TRAPPC9: variants seen among roughly 807,000 people sequenced by gnomAD.
TRAPPC9 encodes trafficking protein particle complex subunit 9.
TRAPPC9 carries 83 observed loss-of-function variants against 124.0 expected under a neutral mutation model. That is an observed-to-expected ratio of 0.67 (90% CI 0.56 to 0.80). TRAPPC9 has a LOEUF of 0.80. Among genes scored for constraint, TRAPPC9 ranks in the 30% least tolerant of loss-of-function variants. The pLI is 0.00. For synonymous variants in TRAPPC9, 638 were observed against 617.5 expected, an observed-to-expected ratio of 1.03 and a Z score of -0.49; for missense variants, 1,302 against 1,508.3, an observed-to-expected ratio of 0.86 and a Z score of 2.27.
At chr8:140,120,065 T>C (rs1244361271) in intron 17 of TRAPPC9, among the ~76,000 whole-genome samples, 3 of 152,164 alleles carry the variant, frequency 2.0e-5, no homozygotes, top group Non-Finnish European at 4.4e-5. Context: ...AGCACATCCT[T>C]TAGGATTTAT....
chr8:139,894,370 G>C (rs957341275), intron 20 of TRAPPC9, among the ~76,000 whole-genome samples: 40 of 152,164 alleles, frequency 2.6e-4, no homozygotes, highest in African/African-American at 9.4e-4. Context: ...GTGATCCTGG[G>C]GGGGTGCTGT....
chr8:139,874,469 C>T (rs1021245426), intron 21 of TRAPPC9, among the ~76,000 whole-genome samples: 4 of 152,210 alleles, frequency 2.6e-5, no homozygotes, highest in African/African-American at 4.8e-5. Flanking sequence ...GGTGGGGAAA[C>T]GCGCAGGCGG....
At chr8:140,109,310 C>T (rs540393554) in intron 17 of TRAPPC9, among the ~76,000 whole-genome samples, 33 of 152,192 alleles carry the variant, frequency 2.2e-4, no homozygotes, top group African/African-American at 7.7e-4. Flanking sequence ...ATGAACAGGG[C>T]CTGTCTCAGA....
chr8:140,246,342 T>C (rs993752553), intron 16 of TRAPPC9, among the ~76,000 whole-genome samples: 4 of 152,196 alleles, frequency 2.6e-5, no homozygotes, highest in Admixed American at 2.0e-4. Flanking sequence ...AGAAAGTGTG[T>C]TTCAAGACCA....
chr8:140,120,836 C>T (rs529390485), intron 17 of TRAPPC9, among the ~76,000 whole-genome samples: 1 of 149,780 alleles, frequency 6.7e-6, no homozygotes, highest in Non-Finnish European at 1.5e-5. Flanking sequence ...TCCATCCATC[C>T]ATCATCCATC....
At chr8:139,807,680 G>A (rs559579900) in intron 21 of TRAPPC9, among the ~76,000 whole-genome samples, 1 of 152,310 alleles carries the variant, frequency 6.6e-6, no homozygotes, top group Non-Finnish European at 1.5e-5. Flanking sequence ...CAGGGGTTCT[G>A]TGTTACAGCT....
chr8:139,833,792 C>T (rs1826146560), intron 21 of TRAPPC9, among the ~76,000 whole-genome samples: 1 of 152,202 alleles, frequency 6.6e-6, no homozygotes, highest in Non-Finnish European at 1.5e-5. Flanking sequence ...TGACTGATTT[C>T]AGCTTCCTTC....
At chr8:140,304,083 G>C (rs1358583150) in intron 10 of TRAPPC9, among the ~76,000 whole-genome samples, 1 of 151,676 alleles carries the variant, frequency 6.6e-6, no homozygotes, top group African/African-American at 2.4e-5. Flanking sequence ...GACCTGCAAT[G>C]CCTGACTTAA....
rs1384023398 is a variant in TRAPPC9 at position 140,241,228 on chromosome 8, G to A, written c.2431+11549C>T. On this transcript the variant is annotated intron_variant, in intron 16 of 22. Transcript: ENST00000438773. This position sits in a 1 kb window ranked among gnomAD's most constrained non-coding sequence, Gnocchi z 5.0. ...AGCCTGTCCAACATGATGAAACCCT[G>A]TCTCTACTAAAAATACAAAAATTAG... 6.6e-6 allele frequency among the ~76,000 whole-genome samples: 1 copy of A among 152,164 alleles called. No individual in the cohort carries two copies. Among genetic ancestry groups the A allele is most frequent in the Non-Finnish European group, 1.5e-5 (1 of 68,030 alleles).
In TRAPPC9 at chr8:140,151,099, T is replaced by C. The variant is rs575006878; in HGVS notation, c.2556+70360A>G. ...CGGAACAGAAATGGGGAAGTGGAGA[T>C]TGACAGCAGGGGAGGGGATAAAGAA... On this transcript the variant is annotated intron_variant, in intron 17 of 22. Coordinates refer to ENST00000438773, the MANE Select transcript of TRAPPC9 (RefSeq NM_001160372.4). Among the ~76,000 whole-genome samples the C allele has an allele frequency of 1.9e-3, 295 of 152,144 alleles. 1 individual carries two copies. The highest frequency in any genetic ancestry group is 6.6e-3 in the African/African-American group (272 of 41,496).
chr8:140,175,732 C>A (rs911940739), intron 17 of TRAPPC9, among the ~76,000 whole-genome samples: 2 of 152,212 alleles, frequency 1.3e-5, no homozygotes, highest in Non-Finnish European at 1.5e-5. Context: ...GTGCTGTGCT[C>A]CAATGCTATA....
intron 5 of TRAPPC9, 102 bp downstream of exon 5, chr8:140,426,513 T>C: frequency 8.5e-7 from 1 of 1,181,948 alleles, no homozygotes; most frequent in Non-Finnish European, 1.3e-6. Flanking sequence ...ATCAGAATGT[T>C]CCAAAGATCA....
intron 8 of TRAPPC9, among the ~76,000 whole-genome samples, chr8:140,362,081 C>T (rs2067971661): frequency 1.3e-5 from 2 of 152,144 alleles, no homozygotes; most frequent in African/African-American, 4.8e-5. Flanking sequence ...AATTTCAGCC[C>T]ACAGGAGTTA....
intron 21 of TRAPPC9, among the ~76,000 whole-genome samples, chr8:139,775,349 C>G (rs199705377): frequency 1.3e-5 from 2 of 152,208 alleles, no homozygotes; most frequent in East Asian, 3.8e-4. Context: ...GAGCCGAGCC[C>G]TGATTATTCA....
chr8:139,853,307 A>C lies in TRAPPC9; in HGVS notation c.3055+32572T>G, dbSNP rs1827608468. Among the ~76,000 whole-genome samples, 5 of 152,162 alleles carry C rather than the reference A, an allele frequency of 3.3e-5. No homozygotes were observed. The South Asian group carries it at 1.0e-3, about 31-fold the overall frequency. Reference sequence around the variant, plus strand: ...CAGTGTGGGTCCTCATGAGAAAAGGAGGAGGGGAGGCCAAGCGATCAGAGG... The same window carrying C: ...CAGTGTGGGTCCTCATGAGAAAAGGCGGAGGGGAGGCCAAGCGATCAGAGG... On this transcript the variant is annotated intron_variant, in intron 21 of 22. Transcript: ENST00000438773.
chr8:140,213,926 T>C (rs1416719276), intron 17 of TRAPPC9, among the ~76,000 whole-genome samples: 1 of 152,264 alleles, frequency 6.6e-6, no homozygotes. Flanking sequence ...GCTGCAGCCG[T>C]GCATGCTGGT....
intron 17 of TRAPPC9, among the ~76,000 whole-genome samples, chr8:140,218,044 G>A (rs1345988341): frequency 6.7e-6 from 1 of 150,060 alleles, no homozygotes; most frequent in Non-Finnish European, 1.5e-5. Flanking sequence ...CATGGCGAAA[G>A]TCTAGAAGGA....
intron 8 of TRAPPC9, among the ~76,000 whole-genome samples, chr8:140,362,285 T>C (rs925393413): frequency 2.0e-5 from 3 of 152,130 alleles, no homozygotes; most frequent in Non-Finnish European, 4.4e-5. Flanking sequence ...AACCCTCCCA[T>C]GTTGCGGACG....
At chr8:139,888,294 C>T (rs1351411972) in intron 20 of TRAPPC9, among the ~76,000 whole-genome samples, 4 of 152,166 alleles carry the variant, frequency 2.6e-5, no homozygotes, top group Non-Finnish European at 4.4e-5. Context: ...TCTGGAGACT[C>T]GGCCCAACTT....
Sources: allele counts gnomAD v4.1 joint callset (sites outside exome capture counted in the v4.1 genomes callset), GRCh38; gene constraint gnomAD v4.1.1; non-coding constraint Gnocchi (gnomAD v3.1); transcripts MANE v1.5; gene names NCBI Gene and HGNC (gene_info 2026-07-23, HGNC 2026-07-21).